SPIN1: variants seen among roughly 807,000 people sequenced by gnomAD.
SPIN1 encodes the protein spindlin-1.
A neutral mutation model predicts 26.0 loss-of-function variants in SPIN1; 3 were observed. The observed-to-expected ratio is 0.12, with a 90% CI of 0.05 to 0.30. SPIN1 has a LOEUF of 0.30. SPIN1 is among the 10% of genes least tolerant of loss of function. SPIN1 has a pLI of 1.00. For missense variants in SPIN1, 126 were observed against 333.4 expected, an observed-to-expected ratio of 0.38 and a Z score of 4.84; for synonymous variants, 101 against 116.5, an observed-to-expected ratio of 0.87 and a Z score of 0.86.
intron 1 of SPIN1, among the ~76,000 whole-genome samples, chr9:88,393,332 C>T (rs968986010): frequency 3.3e-5 from 5 of 149,438 alleles, no homozygotes; most frequent in African/African-American, 9.9e-5. Flanking sequence ...GTTGTTTATG[C>T]TTGGGCCTGT....
At chr9:88,417,696 C>T (rs937943964) in intron 1 of SPIN1, among the ~76,000 whole-genome samples, 1 of 152,140 alleles carries the variant, frequency 6.6e-6, no homozygotes, top group Non-Finnish European at 1.5e-5. Flanking sequence ...TAGGCTTGAA[C>T]TCCTGACCTC....
chr9:88,402,644 C>T (rs560175011), intron 1 of SPIN1, among the ~76,000 whole-genome samples: 1 of 151,596 alleles, frequency 6.6e-6, no homozygotes, highest in East Asian at 1.9e-4. Context: ...ACATTTTATT[C>T]TTCTTTCTGG....
intron 1 of SPIN1, among the ~76,000 whole-genome samples, chr9:88,399,529 G>C (rs1827142292): frequency 1.3e-5 from 2 of 152,098 alleles, no homozygotes; most frequent in Admixed American, 6.6e-5. Context: ...GTAAGAGTTG[G>C]ATCCTTGGCA....
intron 1 of SPIN1, among the ~76,000 whole-genome samples, chr9:88,392,560 C>T (rs1587766886): frequency 6.6e-6 from 1 of 151,950 alleles, no homozygotes; most frequent in South Asian, 2.1e-4. Context: ...AAAGTTAGCC[C>T]CTTGTTACCT....
At chr9:88,393,988 C>G (rs1243654962) in intron 1 of SPIN1, among the ~76,000 whole-genome samples, 2 of 152,132 alleles carry the variant, frequency 1.3e-5, no homozygotes, top group African/African-American at 4.8e-5. Context: ...GCTGGGATTA[C>G]AGGCGTGCAC....
intron 3 of SPIN1, among the ~76,000 whole-genome samples, chr9:88,453,282 A>G (rs1409378303): frequency 1.3e-5 from 2 of 152,046 alleles, no homozygotes; most frequent in African/African-American, 4.8e-5. Context: ...CTACAATCTC[A>G]GTTTACTTTT....
In SPIN1 at chr9:88,477,945, A is replaced by G. The variant is rs1828916888; in HGVS notation, c.*2668A>G. 1 of 152,212 alleles carries G rather than the reference A, an allele frequency of 6.6e-6. No homozygotes were observed. The highest frequency in any genetic ancestry group is 2.1e-4 in the South Asian group (1 of 4,832). The allele number at this position is 152,212 out of a possible 1,614,324, so 9.4% of individuals were successfully genotyped here. A position where few individuals can be genotyped will look rare whatever the true frequency, so the allele number is the denominator to read the frequency against. ...TGCTCTATTCTAAGTAGAATGTTCA[A>G]TGTAACTGACTAAAATTGCATGTTA... On this transcript the variant is annotated 3_prime_UTR_variant, in exon 6 of 6. Transcript: ENST00000375859.
chr9:88,446,677 G>T (rs7861419), intron 2 of SPIN1, among the ~76,000 whole-genome samples: 14,317 of 152,030 alleles, frequency 0.094, 2,218 homozygotes, highest in African/African-American at 0.32. Context: ...CAAAGTGCTG[G>T]GATTACAGGC....
intron 1 of SPIN1, chr9:88,411,510 T>A: frequency 2.6e-6 from 2 of 764,820 alleles, no homozygotes; most frequent in Non-Finnish European, 4.3e-6. Flanking sequence ...GCGTCATCCA[T>A]GGGCAGAAAG....
chr9:88,412,252 A>G (rs962120138), intron 1 of SPIN1, among the ~76,000 whole-genome samples: 1 of 152,180 alleles, frequency 6.6e-6, no homozygotes, highest in Non-Finnish European at 1.5e-5. Context: ...TGCTTCTGAT[A>G]TGACAAGATA....
chr9:88,471,672 A>AAG (rs1828790527), intron 5 of SPIN1, among the ~76,000 whole-genome samples: 1 of 151,216 alleles, frequency 6.6e-6, no homozygotes, highest in South Asian at 2.1e-4. Flanking sequence ...AAAAAAAAAA[A>AAG]AAAAAAAGAA....
At chr9:88,468,131 T>G (rs181978027) in intron 4 of SPIN1, among the ~76,000 whole-genome samples, 8 of 152,268 alleles carry the variant, frequency 5.3e-5, no homozygotes, top group Admixed American at 5.2e-4. Context: ...AAAAATCATA[T>G]TTTTTTCAAT....
Position 88,462,511 on chromosome 9 carries a change from T to C in SPIN1, c.117T>C (p.Ser39=). ...GTGAATACAGAAAACATCGGAGCAGTGTGGGTCCGAGCAAACCTGTTTCCC... is the reference window on the plus strand; with the variant it reads ...GTGAATACAGAAAACATCGGAGCAGCGTGGGTCCGAGCAAACCTGTTTCCC... ...KRTSHKKHRS[S]VGPSKPVSQP... Residue 39 remains serine (S), a synonymous_variant, in exon 4 of 6, where the codon AGT becomes AGC. Coordinates refer to ENST00000375859, the MANE Select transcript of SPIN1 (RefSeq NM_006717.3). The C allele has an allele frequency of 1.2e-6, 2 of 1,614,080 alleles. No individual in the cohort carries two copies. Among genetic ancestry groups the C allele is most frequent in the Admixed American group, 1.7e-5 (1 of 60,014 alleles).
At chr9:88,390,813 G>C (rs920515801) in intron 1 of SPIN1, among the ~76,000 whole-genome samples, 2 of 152,104 alleles carry the variant, frequency 1.3e-5, no homozygotes, top group African/African-American at 4.8e-5. Flanking sequence ...CTGGTCCAAA[G>C]CCACATAACT....
In SPIN1 at chr9:88,475,622, CAT is replaced by C; in HGVS notation, c.*347_*348del. On this transcript the variant is annotated 3_prime_UTR_variant, in exon 6 of 6. Coordinates refer to ENST00000375859, the MANE Select transcript of SPIN1 (RefSeq NM_006717.3). ...TCTTATTCTGCCGCCACAATGCAAG[CAT>C]AGTTTGATGTTTTCGTTATTGCCTT... 1 of 206,972 alleles carries C rather than the reference CAT, an allele frequency of 4.8e-6. No homozygotes were observed. The highest frequency in any genetic ancestry group is 9.9e-6 in the Non-Finnish European group (1 of 100,930). The allele number at this position is 206,972 out of a possible 1,614,324, so 12.8% of individuals were successfully genotyped here. A position where few individuals can be genotyped will look rare whatever the true frequency, so the allele number is the denominator to read the frequency against.
intron 2 of SPIN1, among the ~76,000 whole-genome samples, chr9:88,436,335 CTA>C (rs1480211015): frequency 6.6e-6 from 1 of 152,148 alleles, no homozygotes; most frequent in African/African-American, 2.4e-5. Flanking sequence ...ATAACGGGCT[CTA>C]TTTTTTTAGA....
intron 2 of SPIN1, among the ~76,000 whole-genome samples, chr9:88,431,164 C>T (rs1045209623): frequency 6.7e-6 from 1 of 149,316 alleles, no homozygotes. Context: ...GGATTATAGG[C>T]GTGAGCCACC....
At chr9:88,419,554 G>A (rs1039402786) in intron 1 of SPIN1, among the ~76,000 whole-genome samples, 2 of 152,146 alleles carry the variant, frequency 1.3e-5, no homozygotes, top group African/African-American at 2.4e-5. Context: ...TTATTTTGTG[G>A]CACTGAAACT....
intron 5 of SPIN1, among the ~76,000 whole-genome samples, chr9:88,472,662 TTTGTATTTTTAGTAG>T (rs1296625528): frequency 9.8e-5 from 15 of 152,294 alleles, no homozygotes; most frequent in African/African-American, 3.1e-4. Flanking sequence ...CCATCTAATT[TTTGTATTTTTAGTAG>T]AGACAGAGTT....
Sources: allele counts gnomAD v4.1 joint callset (sites outside exome capture counted in the v4.1 genomes callset), GRCh38; gene constraint gnomAD v4.1.1; transcripts MANE v1.5; gene names NCBI Gene and HGNC (gene_info 2026-07-23, HGNC 2026-07-21).